TM4SF5: variants seen among roughly 807,000 people sequenced by gnomAD.
The protein encoded by TM4SF5 is transmembrane 4 L6 family member 5.
A neutral mutation model predicts 22.3 loss-of-function variants in TM4SF5; 16 were observed. That is an observed-to-expected ratio of 0.72 (90% CI 0.49 to 1.09). The LOEUF is 1.09. Ranked by LOEUF, TM4SF5 falls within the 50% of genes least tolerant of loss-of-function variation. TM4SF5 has a pLI of 0.00. For synonymous variants in TM4SF5, 113 were observed against 109.6 expected (o/e 1.03, Z -0.19); for missense variants, 249 against 266.1 (o/e 0.94, Z 0.45).
At chr17:4,772,213 A>C in intron 1 of TM4SF5, 114 bp downstream of exon 1, 5 of 1,335,404 alleles carry the variant, frequency 3.7e-6, no homozygotes, top group Non-Finnish European at 5.2e-6. Context: ...GAGGATGGCA[A>C]TGGCTTCGTG....
intron 1 of TM4SF5, among the ~76,000 whole-genome samples, chr17:4,776,550 C>T (rs1282152281): frequency 6.6e-6 from 1 of 152,218 alleles, no homozygotes; most frequent in Non-Finnish European, 1.5e-5. Flanking sequence ...GATCCGCCTG[C>T]CTCGGCCTCC....
rs1917289893 is a variant in TM4SF5, at chr17:4,780,815, T to C, written c.204T>C (p.Val68=). 6.2e-7 allele frequency: 1 copy of C among 1,610,532 alleles called. No individual in the cohort carries two copies. Residue 68 remains valine (V), a synonymous_variant, in exon 2 of 5, where the codon GTT becomes GTC. Transcript: ENST00000270560. ...TACTGTGTCCGGGGATTGCAGCCGTTCGGGCAGGGGGCAAGGGCTGCTGTG... is the reference window on the plus strand; with the variant it reads ...TACTGTGTCCGGGGATTGCAGCCGTCCGGGCAGGGGGCAAGGGCTGCTGTG... ...LMVLCPGIAA[V]RAGGKGCCGA... is the part of the protein sequence containing the mutation.
intron 3 of TM4SF5, 97 bp downstream of exon 3, chr17:4,782,736 G>C: frequency 6.3e-7 from 1 of 1,578,044 alleles, no homozygotes. Flanking sequence ...TCGACTTCGA[G>C]GGCACTCGCT....
chr17:4,772,770 T>C (rs1917138103), intron 1 of TM4SF5, among the ~76,000 whole-genome samples: 1 of 150,698 alleles, frequency 6.6e-6, no homozygotes, highest in African/African-American at 2.4e-5. Flanking sequence ...GGCTGGAGTG[T>C]GGTGGTGCGA....
In TM4SF5 at chr17:4,775,190, A is replaced by G. The variant is rs1183643506; in HGVS notation, c.177+3091A>G. ...GAGGAGGGCAGAGGCTAGGCCTGGAACACCCTGAAAAGCCACAGTGGAGTC... is the reference window on the plus strand; with the variant it reads ...GAGGAGGGCAGAGGCTAGGCCTGGAGCACCCTGAAAAGCCACAGTGGAGTC... On this transcript the variant is annotated intron_variant, in intron 1 of 4. Coordinates refer to ENST00000270560, the MANE Select transcript of TM4SF5 (RefSeq NM_003963.3). Among the ~76,000 whole-genome samples the G allele has an allele frequency of 2.0e-5, 3 of 152,038 alleles. No homozygotes were observed. In the East Asian group the frequency reaches 5.8e-4, roughly 29 times the overall value.
chr17:4,779,662 C>A (rs1917265415), intron 1 of TM4SF5, among the ~76,000 whole-genome samples: 1 of 152,100 alleles, frequency 6.6e-6, no homozygotes, highest in Non-Finnish European at 1.5e-5. Flanking sequence ...GCCTGGCTGA[C>A]CTAGTAGATG....
At chr17:4,782,432 G>T in intron 2 of TM4SF5, 71 bp from the exon 3 acceptor site, 1 of 1,577,046 alleles carries the variant, frequency 6.3e-7, no homozygotes, top group Non-Finnish European at 8.7e-7. Context: ...AATGCGTGGG[G>T]GCTGGCGCTG....
At chr17:4,777,701 A>G (rs1917233048) in intron 1 of TM4SF5, among the ~76,000 whole-genome samples, 1 of 152,078 alleles carries the variant, frequency 6.6e-6, no homozygotes, top group African/African-American at 2.4e-5. Flanking sequence ...CCTGACCAAC[A>G]TGGAGAAACT....
Position 4,772,042 on chromosome 17 carries a change from C to A in TM4SF5, c.120C>A (p.Thr40=), listed in dbSNP as rs980401639. 13 of 1,614,210 alleles carry A rather than the reference C, an allele frequency of 8.1e-6. No individual in the cohort carries two copies. Among genetic ancestry groups the A allele is most frequent in the Non-Finnish European group, 1.1e-5 (13 of 1,180,042 alleles). The change falls in exon 1 of 5, where the codon ACC becomes ACA. Residue 40 remains threonine (T), a synonymous_variant. Transcript: ENST00000270560. ...ATGGGGAGACCTCCTGGACCAACAC[C>A]AACCATCTCAGCTTGCAAGTCTGGC... ...VPNGETSWTN[T]NHLSLQVWLM...
At chr17:4,773,154 C>G (rs993964918) in intron 1 of TM4SF5, among the ~76,000 whole-genome samples, 1 of 152,122 alleles carries the variant, frequency 6.6e-6, no homozygotes, top group Admixed American at 6.6e-5. Flanking sequence ...ATCCGCCCCC[C>G]TCGGCCTCCC....
chr17:4,778,478 G>T (rs933897245), intron 1 of TM4SF5, among the ~76,000 whole-genome samples: 2 of 151,806 alleles, frequency 1.3e-5, no homozygotes, highest in Non-Finnish European at 2.9e-5. Flanking sequence ...ATGTTGTTCC[G>T]CACCTTTAGT....
chr17:4,774,687 C>G (rs1917176619), intron 1 of TM4SF5, among the ~76,000 whole-genome samples: 1 of 152,132 alleles, frequency 6.6e-6, no homozygotes, highest in African/African-American at 2.4e-5. Flanking sequence ...GCAGGCGGAT[C>G]ACCGAGGTCA....
At chr17:4,780,657 A>C in intron 1 of TM4SF5, 132 bp from the exon 2 acceptor site, 14 of 592,364 alleles carry the variant, frequency 2.4e-5, no homozygotes, top group East Asian at 6.7e-5. Flanking sequence ...CAGGAGACGT[A>C]GAGATAAGGT....
chr17:4,772,603 T>C (rs1036189592), intron 1 of TM4SF5, among the ~76,000 whole-genome samples: 2 of 152,118 alleles, frequency 1.3e-5, no homozygotes, highest in Non-Finnish European at 2.9e-5. Flanking sequence ...CTGCTAAGGA[T>C]AAACTCAGAA....
rs561505388 is a variant in TM4SF5, at chr17:4,774,036, T to C, written c.177+1937T>C. Among the ~76,000 whole-genome samples, 3 of 152,170 alleles carry C rather than the reference T, an allele frequency of 2.0e-5. No individual in the cohort carries two copies. The East Asian group carries it at 5.8e-4, about 29-fold the overall frequency. On this transcript the variant is annotated intron_variant, in intron 1 of 4. Coordinates refer to ENST00000270560, the MANE Select transcript of TM4SF5 (RefSeq NM_003963.3). Reference sequence around the variant, plus strand: ...TTCAAGACCAGCCTGGCCAACATGGTGAAACCCCGTCTCTACTTAAAGAAA... The same window carrying C: ...TTCAAGACCAGCCTGGCCAACATGGCGAAACCCCGTCTCTACTTAAAGAAA...
chr17:4,778,756 G>A (rs1340989165), intron 1 of TM4SF5, among the ~76,000 whole-genome samples: 1 of 152,042 alleles, frequency 6.6e-6, no homozygotes, highest in Non-Finnish European at 1.5e-5. Context: ...CAAGAGTTAG[G>A]CGTTCAAGTT....
intron 1 of TM4SF5, among the ~76,000 whole-genome samples, chr17:4,780,053 C>CT (rs1189580424): frequency 0.012 from 1,579 of 127,444 alleles, 19 homozygotes; most frequent in African/African-American, 0.026. Context: ...CTGAGCTGGT[C>CT]TTTTTTTTTT....
At chr17:4,779,219 CAGG>C (rs1917256282) in intron 1 of TM4SF5, among the ~76,000 whole-genome samples, 1 of 152,070 alleles carries the variant, frequency 6.6e-6, no homozygotes, top group Non-Finnish European at 1.5e-5. Context: ...AGGAGGAGCC[CAGG>C]AGTTCAAGAC....
chr17:4,775,628 A>T (rs1004966746), intron 1 of TM4SF5, among the ~76,000 whole-genome samples: 14 of 151,926 alleles, frequency 9.2e-5, no homozygotes, highest in Non-Finnish European at 1.6e-4. Flanking sequence ...AGTCACACAG[A>T]CAAGTACCCA....
Sources: gnomAD v4.1 joint callset for allele counts (sites outside exome capture counted in the v4.1 genomes callset) on GRCh38, gnomAD v4.1.1 for gene constraint, MANE v1.5 for transcripts, NCBI Gene and HGNC (gene_info 2026-07-23, HGNC 2026-07-21) for gene names.